The following ST6GALNAC5 variants were observed in gnomAD, a reference collection of about 807,000 sequenced individuals.
ST6GALNAC5 encodes the protein alpha-N-acetylgalactosaminide alpha-2,6-sialyltransferase 5.
Under a neutral mutation model 33.6 loss-of-function variants are expected in ST6GALNAC5, and 27 were observed. The ratio of observed to expected loss-of-function variants is 0.80; its 90% CI spans 0.59 to 1.11. The LOEUF is 1.11. ST6GALNAC5 is among the 50% of genes least tolerant of loss of function. The probability of loss-of-function intolerance (pLI) is 0.00; values close to 1 mark genes in which losing one functional copy is unlikely to be tolerated. For synonymous variants in ST6GALNAC5, 194 were observed against 171.2 expected (o/e 1.13, Z -1.04); for missense variants, 428 against 454.0 (o/e 0.94, Z 0.52).
At chr1:76,912,325 G>C (rs1279664234) in intron 2 of ST6GALNAC5, among the ~76,000 whole-genome samples, 3 of 151,966 alleles carry the variant, frequency 2.0e-5, no homozygotes, top group Non-Finnish European at 4.4e-5. Context: ...TACATTTGCT[G>C]AGGGGAGCTT....
intron 2 of ST6GALNAC5, among the ~76,000 whole-genome samples, chr1:76,948,512 G>A (rs557233038): frequency 2.0e-5 from 3 of 150,892 alleles, no homozygotes; most frequent in Admixed American, 6.6e-5. Flanking sequence ...CAAAAGCATG[G>A]AATTCCAGAA....
chr1:77,049,456 A>C (rs1242419434), intron 3 of ST6GALNAC5, among the ~76,000 whole-genome samples: 3 of 152,228 alleles, frequency 2.0e-5, no homozygotes. Flanking sequence ...TCATTCTCAC[A>C]GGATCAAATT....
At chr1:76,892,420 T>C (rs1007308582) in intron 2 of ST6GALNAC5, among the ~76,000 whole-genome samples, 26 of 152,218 alleles carry the variant, frequency 1.7e-4, no homozygotes, top group African/African-American at 6.0e-4. Context: ...CTGGAAGGCA[T>C]TCAGCATTAC....
At chr1:76,916,401 T>C (rs747267083) in intron 2 of ST6GALNAC5, among the ~76,000 whole-genome samples, 7 of 152,210 alleles carry the variant, frequency 4.6e-5, no homozygotes, top group Non-Finnish European at 1.0e-4. Flanking sequence ...AAATTCTGTA[T>C]GCCCTATTCA....
chr1:76,879,760 A>T (rs760692382), intron 2 of ST6GALNAC5, among the ~76,000 whole-genome samples: 2 of 152,164 alleles, frequency 1.3e-5, no homozygotes, highest in Non-Finnish European at 2.9e-5. Flanking sequence ...GGGGATGGGG[A>T]AGCTGTTCCT....
intron 2 of ST6GALNAC5, among the ~76,000 whole-genome samples, chr1:76,949,799 T>G (rs1440458870): frequency 1.3e-5 from 2 of 152,132 alleles, no homozygotes; most frequent in Non-Finnish European, 2.9e-5. Flanking sequence ...TTTTCGTTTT[T>G]TTCTATAACT....
chr1:77,023,296 A>G (rs1332871931), intron 2 of ST6GALNAC5, among the ~76,000 whole-genome samples: 1 of 152,184 alleles, frequency 6.6e-6, no homozygotes, highest in Admixed American at 6.5e-5. Flanking sequence ...TCCTGCATAT[A>G]ATAGAAACTC....
intron 4 of ST6GALNAC5, among the ~76,000 whole-genome samples, chr1:77,052,001 G>T (rs2100471621): frequency 2.0e-5 from 3 of 152,332 alleles, no homozygotes; most frequent in Middle Eastern, 3.4e-3. Flanking sequence ...CTCAGAGTTA[G>T]TTCATCATGA....
rs879377280 is a variant in ST6GALNAC5 at position 76,937,048 on chromosome 1, G to A, written c.261+68306G>A. On this transcript the variant is annotated intron_variant, in intron 2 of 4. Transcript: ENST00000477717. ...TTTGGATACATTCCTCAGAGATGCC[G>A]TGTTGAGATGTTTTGTAGATAACTG... 4.0e-5 allele frequency among the ~76,000 whole-genome samples: 6 copies of A among 150,904 alleles called. No individual in the cohort carries two copies. In the East Asian group the frequency reaches 7.8e-4, roughly 20 times the overall value.
intron 3 of ST6GALNAC5, among the ~76,000 whole-genome samples, chr1:77,046,749 A>C (rs995992255): frequency 1.3e-5 from 2 of 152,254 alleles, no homozygotes; most frequent in African/African-American, 4.8e-5. Flanking sequence ...ATTTGAAATA[A>C]GTAGAAACCA....
intron 4 of ST6GALNAC5, among the ~76,000 whole-genome samples, chr1:77,057,806 G>C (rs115325289): frequency 0.012 from 1,849 of 152,246 alleles, 10 homozygotes; most frequent in Non-Finnish European, 0.016. Flanking sequence ...CCTAAACCTC[G>C]TCAGTACCCA....
intron 2 of ST6GALNAC5, among the ~76,000 whole-genome samples, chr1:76,984,331 A>G (rs1402765758): frequency 3.9e-5 from 6 of 152,234 alleles, no homozygotes; most frequent in African/African-American, 9.6e-5. Context: ...GACAAAGTGG[A>G]TATCACCATC....
chr1:77,026,693 C>G (rs1365793521), intron 2 of ST6GALNAC5, among the ~76,000 whole-genome samples: 1 of 152,180 alleles, frequency 6.6e-6, no homozygotes, highest in East Asian at 1.9e-4. Flanking sequence ...TTGTATATAG[C>G]CTCCTTCATA....
intron 2 of ST6GALNAC5, among the ~76,000 whole-genome samples, chr1:77,011,044 T>C (rs1204742760): frequency 9.3e-6 from 1 of 108,052 alleles, no homozygotes; most frequent in Non-Finnish European, 2.1e-5. Context: ...GTTCTGCTGT[T>C]GGCCTCTGAA....
intron 4 of ST6GALNAC5, among the ~76,000 whole-genome samples, chr1:77,051,776 G>A (rs1001478435): frequency 1.3e-5 from 2 of 152,090 alleles, no homozygotes; most frequent in Non-Finnish European, 2.9e-5. Flanking sequence ...AAACCAACAG[G>A]CTAACAGAGA....
intron 2 of ST6GALNAC5, among the ~76,000 whole-genome samples, chr1:76,972,888 T>A (rs1408022828): frequency 6.6e-6 from 1 of 151,332 alleles, no homozygotes; most frequent in African/African-American, 2.4e-5. Context: ...TCTGTGTAAC[T>A]TTTTTTTTGT....
chr1:76,996,527 C>T (rs1244325763), intron 2 of ST6GALNAC5, among the ~76,000 whole-genome samples: 1 of 152,144 alleles, frequency 6.6e-6, no homozygotes, highest in Non-Finnish European at 1.5e-5. Context: ...CAATAATCTG[C>T]AGGTTAAATG....
chr1:76,942,002 G>A (rs1647352778), intron 2 of ST6GALNAC5, among the ~76,000 whole-genome samples: 1 of 152,078 alleles, frequency 6.6e-6, no homozygotes, highest in Non-Finnish European at 1.5e-5. Context: ...GAGATAGGCG[G>A]GCCTTAAATG....
intron 2 of ST6GALNAC5, among the ~76,000 whole-genome samples, chr1:76,967,105 G>A (rs567520131): frequency 6.6e-6 from 1 of 152,262 alleles, no homozygotes; most frequent in Middle Eastern, 3.4e-3. Flanking sequence ...GATGATGCTG[G>A]CCTCATAAAA....
Sources: allele counts gnomAD v4.1 joint callset (sites outside exome capture counted in the v4.1 genomes callset), GRCh38; gene constraint gnomAD v4.1.1; transcripts MANE v1.5; gene names NCBI Gene and HGNC (gene_info 2026-07-23, HGNC 2026-07-21).